Variants in MIPOL1 observed in about 807,000 individuals in gnomAD.
MIPOL1 encodes mirror-image polydactyly 1, also known as mirror-image polydactyly gene 1 protein.
Under a neutral mutation model 60.9 loss-of-function variants are expected in MIPOL1, and 57 were observed. The observed-to-expected ratio is 0.94, with a 90% CI of 0.76 to 1.17. The LOEUF (loss-of-function observed/expected upper bound fraction) is 1.17, where lower values mean the gene tolerates loss of function less well. MIPOL1 is among the 50% of genes most tolerant of loss of function. The probability of loss-of-function intolerance (pLI) is 0.00; values close to 1 mark genes in which losing one functional copy is unlikely to be tolerated. For missense variants in MIPOL1, 551 were observed against 511.6 expected, an observed-to-expected ratio of 1.08 and a Z score of -0.74; for synonymous variants, 179 against 168.8, an observed-to-expected ratio of 1.06 and a Z score of -0.47.
chr14:37,287,598 T>C (rs1047995451), intron 7 of MIPOL1, among the ~76,000 whole-genome samples: 3 of 152,200 alleles, frequency 2.0e-5, no homozygotes, highest in Non-Finnish European at 4.4e-5. Flanking sequence ...GTGGGTGCTA[T>C]GTAAGTATTA....
At chr14:37,416,602 T>C (rs1244668968) in intron 10 of MIPOL1, among the ~76,000 whole-genome samples, 1 of 152,212 alleles carries the variant, frequency 6.6e-6, no homozygotes, top group East Asian at 1.9e-4. Context: ...TAGTCTTATA[T>C]GTGGTCCGTT....
At chr14:37,242,173 A>G (rs1233191303) in intron 1 of MIPOL1, among the ~76,000 whole-genome samples, 1 of 151,972 alleles carries the variant, frequency 6.6e-6, no homozygotes, top group Admixed American at 6.6e-5. Flanking sequence ...GAAGTAATAC[A>G]TGCACCCAAT....
chr14:37,546,871 T>C (rs765265307), intron 12 of MIPOL1, 34 bp from the exon 13 acceptor site: 306 of 1,579,578 alleles, frequency 1.9e-4, no homozygotes, highest in South Asian at 7.1e-4. Context: ...GCCCTTTTTT[T>C]CCCCTTCTCA....
At chr14:37,356,547 G>T (rs1222146101) in intron 9 of MIPOL1, among the ~76,000 whole-genome samples, 3 of 152,222 alleles carry the variant, frequency 2.0e-5, no homozygotes, top group African/African-American at 7.2e-5. Context: ...TGCTGTGCTA[G>T]CAATCAGCGA....
chr14:37,445,958 A>G (rs1341777124), intron 11 of MIPOL1, among the ~76,000 whole-genome samples: 1 of 152,142 alleles, frequency 6.6e-6, no homozygotes, highest in African/African-American at 2.4e-5. Context: ...TAGACCTAAA[A>G]CCATAAAAAC....
intron 11 of MIPOL1, among the ~76,000 whole-genome samples, chr14:37,436,250 T>A (rs2094161541): frequency 6.6e-6 from 1 of 152,152 alleles, no homozygotes; most frequent in African/African-American, 2.4e-5. Flanking sequence ...TGGTTAGAGA[T>A]GAAGAGGGTG....
chr14:37,320,838 A>G (rs555589345), intron 9 of MIPOL1, among the ~76,000 whole-genome samples: 1 of 152,210 alleles, frequency 6.6e-6, no homozygotes, highest in South Asian at 2.1e-4. Context: ...AGCATCATGC[A>G]ATTAATGAAT....
At chr14:37,466,274 T>C (rs1035057411) in intron 11 of MIPOL1, among the ~76,000 whole-genome samples, 2 of 152,212 alleles carry the variant, frequency 1.3e-5, no homozygotes, top group Admixed American at 1.3e-4. Context: ...TTCCCTCTTA[T>C]GTTTAAGTGA....
intron 12 of MIPOL1, among the ~76,000 whole-genome samples, chr14:37,526,994 A>G (rs1029511908): frequency 6.6e-6 from 1 of 152,096 alleles, no homozygotes; most frequent in Non-Finnish European, 1.5e-5. Context: ...TCTGATATGC[A>G]CTTATTTTAT....
At chr14:37,310,647 T>C (rs771536812) in intron 9 of MIPOL1, among the ~76,000 whole-genome samples, 12 of 152,216 alleles carry the variant, frequency 7.9e-5, no homozygotes, top group Non-Finnish European at 1.6e-4. Context: ...TATTAGTTCA[T>C]TTCCATTGCT....
At chr14:37,414,347 C>T (rs927885283) in intron 10 of MIPOL1, among the ~76,000 whole-genome samples, 3 of 152,128 alleles carry the variant, frequency 2.0e-5, no homozygotes, top group African/African-American at 7.2e-5. Context: ...GTATATCCTA[C>T]TATTATTAGT....
intron 11 of MIPOL1, among the ~76,000 whole-genome samples, chr14:37,431,461 A>G (rs1328784592): frequency 6.6e-6 from 1 of 151,010 alleles, no homozygotes; most frequent in East Asian, 2.0e-4. Context: ...TCACCCTCTG[A>G]TTCAGCCATC....
intron 11 of MIPOL1, among the ~76,000 whole-genome samples, chr14:37,460,159 A>T (rs1465071517): frequency 2.0e-5 from 3 of 152,118 alleles, no homozygotes; most frequent in Non-Finnish European, 4.4e-5. Context: ...CAAGAAGTTA[A>T]TACACCACAA....
chr14:37,303,235 C>G (rs908339861), intron 7 of MIPOL1, among the ~76,000 whole-genome samples: 4 of 151,818 alleles, frequency 2.6e-5, no homozygotes, highest in African/African-American at 9.7e-5. Context: ...ACTACTTGGC[C>G]AAAGACTCAA....
At chr14:37,276,191 A>T (rs2083645239) in intron 6 of MIPOL1, 3 of 151,146 alleles carry the variant, frequency 2.0e-5, no homozygotes, top group African/African-American at 7.3e-5. Flanking sequence ...ACTTGTACTG[A>T]TGATGCAAGC....
chr14:37,254,292 T>G (rs1209988262), intron 3 of MIPOL1, among the ~76,000 whole-genome samples: 1 of 151,768 alleles, frequency 6.6e-6, no homozygotes, highest in African/African-American at 2.4e-5. Context: ...TTGGACTGAG[T>G]AGAAAAATGG....
At chr14:37,216,062 C>CAAAAAAAAAA (rs71449980) in intron 1 of MIPOL1, among the ~76,000 whole-genome samples, 2 of 85,840 alleles carry the variant, frequency 2.3e-5, no homozygotes, top group South Asian at 4.1e-4. Flanking sequence ...ACCTCCATCT[C>CAAAAAAAAAA]AAAAAAAAAA....
chr14:37,533,302 C>T (rs1409201831), intron 12 of MIPOL1, among the ~76,000 whole-genome samples: 1 of 152,110 alleles, frequency 6.6e-6, no homozygotes, highest in East Asian at 1.9e-4. Context: ...AATTATACTT[C>T]AGATTTCTAT....
intron 12 of MIPOL1, among the ~76,000 whole-genome samples, chr14:37,535,808 G>A (rs1393906948): frequency 1.3e-5 from 2 of 152,116 alleles, no homozygotes; most frequent in African/African-American, 4.8e-5. Context: ...ACATATCTTA[G>A]GAGCTAAATT....
Sources: allele counts gnomAD v4.1 joint callset (sites outside exome capture counted in the v4.1 genomes callset), GRCh38; gene constraint gnomAD v4.1.1; transcripts MANE v1.5; gene names NCBI Gene and HGNC (gene_info 2026-07-23, HGNC 2026-07-21).